CFAP221: variants seen among roughly 807,000 people sequenced by gnomAD.
The protein encoded by CFAP221 is cilia- and flagella-associated protein 221.
In CFAP221, 97 loss-of-function variants were observed where a neutral mutation model predicts 113.1. The observed-to-expected ratio is 0.86, with a 90% CI of 0.73 to 1.02. The LOEUF is 1.02. Among genes scored for constraint, CFAP221 ranks in the 50% least tolerant of loss-of-function variants. The pLI is 0.00. For synonymous variants in CFAP221, 331 were observed against 354.4 expected (o/e 0.93, Z 0.74); for missense variants, 1,025 against 1,013.4 (o/e 1.01, Z -0.16).
At chr2:119,615,026 A>G (rs1349705998) in intron 13 of CFAP221, among the ~76,000 whole-genome samples, 1 of 152,226 alleles carries the variant, frequency 6.6e-6, no homozygotes, top group African/African-American at 2.4e-5. Flanking sequence ...AGCTCATGGC[A>G]TAAGCCAAAG....
chr2:119,627,793 G>T lies in CFAP221; in HGVS notation c.1650+7G>T. Reference sequence around the variant, plus strand: ...CCAGGACTCCAACGAGTTGGTAGGTGCCGTCAGGCTTGGGGGCGGGGAGTG... The same window carrying T: ...CCAGGACTCCAACGAGTTGGTAGGTTCCGTCAGGCTTGGGGGCGGGGAGTG... On this transcript the variant is annotated splice_region_variant and intron_variant, in intron 16 of 23. Transcript: ENST00000413369. The T allele has an allele frequency of 6.2e-7, 1 of 1,613,348 alleles. No individual in the cohort carries two copies. Among genetic ancestry groups the T allele is most frequent in the South Asian group, 1.1e-5 (1 of 91,024 alleles).
intron 3 of CFAP221, among the ~76,000 whole-genome samples, chr2:119,558,899 G>A (rs1257438563): frequency 1.3e-5 from 2 of 152,136 alleles, no homozygotes; most frequent in African/African-American, 4.8e-5. Flanking sequence ...AGGAGAGAAT[G>A]TCTAAAGTCT....
At position 119,647,054 on chromosome 2, in the gene CFAP221, T is replaced by G. The variant is rs1321350589; in HGVS notation, c.2318+4T>G. Reference sequence around the variant, plus strand: ...ACAGACTAGAAACAGTAGAACGGTATTTTTTTTTTTTTTAATCTTTGGCCT... The same window carrying G: ...ACAGACTAGAAACAGTAGAACGGTAGTTTTTTTTTTTTTAATCTTTGGCCT... On this transcript the variant is annotated splice_donor_region_variant and intron_variant, in intron 22 of 23. Transcript: ENST00000413369. The G allele has an allele frequency of 0.021, 6 of 286 alleles. No homozygotes were observed. The highest frequency in any genetic ancestry group is 0.042 in the Non-Finnish European group (6 of 142). The allele number at this position is 286 out of a possible 1,614,324, so 0.0% of individuals were successfully genotyped here.
At position 119,568,149 on chromosome 2, in the gene CFAP221, T is replaced by G. The variant is rs1041151872; in HGVS notation, c.527+6035T>G. 1.6e-4 allele frequency among the ~76,000 whole-genome samples: 25 copies of G among 152,242 alleles called. 2 individuals are homozygous for G. Among genetic ancestry groups the G allele is most frequent in the Admixed American group, 1.2e-3 (19 of 15,282 alleles). On this transcript the variant is annotated intron_variant, in intron 6 of 23. Transcript: ENST00000413369. ...TATATATAAGTATACATTAGCATTA[T>G]GTATACACATATCTGTGACTATTTG... is the stretch of plus-strand genomic sequence containing the variant.
chr2:119,569,172 C>T, intron 6 of CFAP221, among the ~76,000 whole-genome samples: 1 of 151,944 alleles, frequency 6.6e-6, no homozygotes. Context: ...CTCGCTCTGT[C>T]ACCCAGGCTG....
rs185733639 is a variant in CFAP221 at position 119,586,334 on chromosome 2, A to C, written c.528-785A>C. Among the ~76,000 whole-genome samples the C allele has an allele frequency of 6.0e-3, 906 of 152,242 alleles. 8 individuals carry two copies. The highest frequency in any genetic ancestry group is 0.02 in the African/African-American group (846 of 41,548). On this transcript the variant is annotated intron_variant, in intron 6 of 23. Coordinates refer to ENST00000413369, the MANE Select transcript of CFAP221 (RefSeq NM_001271049.2). The stretch of plus-strand genomic sequence containing the variant: ...TTACCCTGGAGAGCTCTGCTCCCCC[A>C]GGCAGTCAACTCTGGCTGACTTGGA...
intron 6 of CFAP221, among the ~76,000 whole-genome samples, chr2:119,576,344 C>T (rs1682440973): frequency 6.6e-6 from 1 of 152,160 alleles, no homozygotes; most frequent in Non-Finnish European, 1.5e-5. Flanking sequence ...TCCTGCCCCT[C>T]TCCCTCCTCT....
intron 16 of CFAP221, 76 bp from the exon 17 acceptor site, chr2:119,629,799 A>G: frequency 8.5e-7 from 1 of 1,181,710 alleles, no homozygotes; most frequent in Non-Finnish European, 1.2e-6. Flanking sequence ...AATGTTTCAA[A>G]ATGTAGTGGA....
intron 7 of CFAP221, among the ~76,000 whole-genome samples, chr2:119,592,992 C>G (rs1683700312): frequency 6.6e-6 from 1 of 152,150 alleles, no homozygotes; most frequent in African/African-American, 2.4e-5. Context: ...TCCTTTTGAT[C>G]TGGAGAAAAA....
chr2:119,602,622 C>G, intron 8 of CFAP221: 2 of 985,264 alleles, frequency 2.0e-6, no homozygotes, highest in Non-Finnish European at 2.4e-6. Flanking sequence ...TCAAAGCAGC[C>G]TAAGTCAACT....
chr2:119,608,077 G>A (rs1360043377), intron 11 of CFAP221, among the ~76,000 whole-genome samples: 1 of 152,090 alleles, frequency 6.6e-6, no homozygotes, highest in African/African-American at 2.4e-5. Context: ...TTTTTGTGGT[G>A]CCACCAAACT....
chr2:119,590,071 C>T (rs543956585), intron 7 of CFAP221: 1 of 152,224 alleles, frequency 6.6e-6, no homozygotes, highest in South Asian at 2.1e-4. Context: ...CCTGGACATT[C>T]CCTTGTTGTC....
At chr2:119,574,704 GCA>G (rs150152935) in intron 6 of CFAP221, among the ~76,000 whole-genome samples, 8 of 151,172 alleles carry the variant, frequency 5.3e-5, no homozygotes, top group Non-Finnish European at 7.4e-5. Flanking sequence ...ACACATGCAT[GCA>G]CACACACACA....
chr2:119,614,112 A>G lies in CFAP221; in HGVS notation c.1312-1499A>G, dbSNP rs1365308401. ...TCTTTGCTAAAACAAAGAAAGAGTC[A>G]CCTTCATTCCAGTTCCCAACAAGTT... On this transcript the variant is annotated intron_variant, in intron 13 of 23. Transcript: ENST00000413369. Among the ~76,000 whole-genome samples, 6 of 152,342 alleles carry G rather than the reference A, an allele frequency of 3.9e-5. No homozygotes were observed. In the South Asian group the frequency reaches 8.3e-4, roughly 21 times the overall value.
At chr2:119,572,666 G>T in intron 6 of CFAP221, 1 of 673,074 alleles carries the variant, frequency 1.5e-6, no homozygotes, top group Admixed American at 2.1e-5. Context: ...CAATTGGTTA[G>T]CGTGCTCTAG....
chr2:119,587,383 A>G (rs1021064553), intron 7 of CFAP221, among the ~76,000 whole-genome samples, 161 bp downstream of exon 7: 2 of 152,248 alleles, frequency 1.3e-5, no homozygotes, highest in African/African-American at 4.8e-5. Flanking sequence ...CATTTGTATC[A>G]TGCAGATAAT....
chr2:119,628,835 A>C (rs886347219), intron 16 of CFAP221, among the ~76,000 whole-genome samples: 10 of 152,254 alleles, frequency 6.6e-5, no homozygotes, highest in African/African-American at 2.4e-4. Flanking sequence ...TTCAAGCAAC[A>C]ATAAATGTCT....
At chr2:119,614,340 A>C (rs2104708822) in intron 13 of CFAP221, among the ~76,000 whole-genome samples, 1 of 152,308 alleles carries the variant, frequency 6.6e-6, no homozygotes, top group African/African-American at 2.4e-5. Context: ...TTTTTATAGT[A>C]GCACCCCACT....
At chr2:119,657,880 T>C (rs1688490810), downstream of CFAP221, among the ~76,000 whole-genome samples, 1 of 152,236 alleles carries the variant, frequency 6.6e-6, no homozygotes, top group South Asian at 2.1e-4. Flanking sequence ...AGAAGCGTTA[T>C]GTCCTTCTTG....
Sources: gnomAD v4.1 joint callset for allele counts (sites outside exome capture counted in the v4.1 genomes callset) on GRCh38, gnomAD v4.1.1 for gene constraint, MANE v1.5 for transcripts, NCBI Gene and HGNC (gene_info 2026-07-23, HGNC 2026-07-21) for gene names.